WWOX: variants seen among roughly 807,000 people sequenced by gnomAD.
WWOX encodes the protein WW domain-containing oxidoreductase.
WWOX carries 69 observed loss-of-function variants against 46.2 expected under a neutral mutation model. The ratio of observed to expected loss-of-function variants is 1.49; its 90% confidence interval spans 1.23 to 1.82. WWOX has a LOEUF of 1.82. Ranked by LOEUF, WWOX falls within the 40% of genes most tolerant of loss-of-function variation. The pLI, the probability that WWOX is intolerant of heterozygous loss-of-function variation, is 0.00. For synonymous variants in WWOX, 359 were observed against 202.6 expected (o/e 1.77, Z -6.56); for missense variants, 919 against 542.6 (o/e 1.69, Z -6.89).
At chr16:78,169,779 C>G (rs2035093756) in intron 5 of WWOX, among the ~76,000 whole-genome samples, 1 of 152,020 alleles carries the variant, frequency 6.6e-6, no homozygotes, top group African/African-American at 2.4e-5. Context: ...AGGGATGAGG[C>G]TGAGGCTGGG....
At chr16:79,099,435 G>C (rs2049145029) in intron 8 of WWOX, among the ~76,000 whole-genome samples, 1 of 152,204 alleles carries the variant, frequency 6.6e-6, no homozygotes, top group African/African-American at 2.4e-5. Context: ...GTAAACTGCA[G>C]CGCGCACACT....
At chr16:78,183,014 A>G (rs1217832545) in intron 5 of WWOX, among the ~76,000 whole-genome samples, 1 of 151,922 alleles carries the variant, frequency 6.6e-6, no homozygotes, top group Non-Finnish European at 1.5e-5. Context: ...CTCATGGTCC[A>G]AGTTTTGGTT....
At chr16:78,456,319 G>C (rs965158091) in intron 8 of WWOX, among the ~76,000 whole-genome samples, 4 of 152,136 alleles carry the variant, frequency 2.6e-5, no homozygotes, top group Admixed American at 2.6e-4. Context: ...TAGTGTTGGG[G>C]GCTGAGAGGC....
intron 8 of WWOX, among the ~76,000 whole-genome samples, chr16:78,784,633 TAGAAGAG>T (rs2050410590): frequency 6.6e-6 from 1 of 152,156 alleles, no homozygotes. Flanking sequence ...ATAAAGCACT[TAGAAGAG>T]AGTTTGGCAT....
At chr16:79,084,056 A>G (rs951568973) in intron 8 of WWOX, among the ~76,000 whole-genome samples, 7 of 152,182 alleles carry the variant, frequency 4.6e-5, no homozygotes, top group Non-Finnish European at 7.3e-5. Context: ...GAACCAGACC[A>G]TCGTGAACTT....
chr16:79,159,662 C>T (rs2050447093), intron 8 of WWOX, among the ~76,000 whole-genome samples: 1 of 152,162 alleles, frequency 6.6e-6, no homozygotes, highest in Non-Finnish European at 1.5e-5. Context: ...CAAATCTTTT[C>T]ATATTTAACA....
intron 8 of WWOX, among the ~76,000 whole-genome samples, chr16:79,183,564 C>T (rs749885690): frequency 4.6e-5 from 7 of 152,170 alleles, no homozygotes; most frequent in Non-Finnish European, 8.8e-5. Flanking sequence ...TGTATTCTTA[C>T]TCTCCCTCTC....
At position 79,130,744 on chromosome 16, in the gene WWOX, C is replaced by A. The variant is rs11862878; in HGVS notation, c.1057-80864C>A. ...TCCTTCCAGATTTGACTTGTAATCG[C>A]CACAATGTATTACAGATGCAGAGTC... On this transcript the variant is annotated intron_variant, in intron 8 of 8. Coordinates refer to ENST00000566780, the MANE Select transcript of WWOX (RefSeq NM_016373.4). Among the ~76,000 whole-genome samples the A allele has an allele frequency of 5.3e-3, 802 of 152,294 alleles. 3 individuals are homozygous for A. The highest frequency in any genetic ancestry group is 0.018 in the African/African-American group (760 of 41,562).
intron 8 of WWOX, among the ~76,000 whole-genome samples, chr16:79,003,902 G>A (rs2047142387): frequency 6.6e-6 from 1 of 152,188 alleles, no homozygotes; most frequent in African/African-American, 2.4e-5. Context: ...GATGAGAGGA[G>A]AAGCGAATTG....
intron 8 of WWOX, among the ~76,000 whole-genome samples, chr16:79,049,895 C>T (rs995340502): frequency 3.3e-5 from 5 of 151,500 alleles, no homozygotes; most frequent in Admixed American, 1.3e-4. Context: ...CAGTACCCAG[C>T]CATGCAGAAG....
At chr16:78,567,130 A>G (rs547010226) in intron 8 of WWOX, among the ~76,000 whole-genome samples, 1 of 152,294 alleles carries the variant, frequency 6.6e-6, no homozygotes, top group East Asian at 1.9e-4. Flanking sequence ...CCCAGTAAAG[A>G]TCACAAGCCC....
intron 8 of WWOX, among the ~76,000 whole-genome samples, chr16:79,011,895 C>T (rs2047318172): frequency 6.6e-6 from 1 of 151,998 alleles, no homozygotes; most frequent in African/African-American, 2.4e-5. Flanking sequence ...CTCCAGTGAT[C>T]CTCCCGCCTC....
At chr16:79,042,519 C>T (rs9930250) in intron 8 of WWOX, among the ~76,000 whole-genome samples, 1 of 151,646 alleles carries the variant, frequency 6.6e-6, no homozygotes, top group Admixed American at 6.6e-5. Context: ...CATAATGTCT[C>T]AAATTACTTA....
intron 5 of WWOX, among the ~76,000 whole-genome samples, chr16:78,285,745 A>C (rs562968056): frequency 3.9e-5 from 6 of 152,308 alleles, no homozygotes; most frequent in African/African-American, 1.4e-4. Flanking sequence ...GCGCCTAAAT[A>C]GCTGAGGACA....
chr16:79,128,815 G>C (rs1210375305), intron 8 of WWOX, among the ~76,000 whole-genome samples: 1 of 152,112 alleles, frequency 6.6e-6, no homozygotes, highest in Non-Finnish European at 1.5e-5. Context: ...TACATATTTT[G>C]TTCACAATGG....
intron 8 of WWOX, among the ~76,000 whole-genome samples, chr16:78,810,034 G>T (rs2051145896): frequency 6.6e-6 from 1 of 152,188 alleles, no homozygotes; most frequent in Admixed American, 6.5e-5. Flanking sequence ...AAATGTTGAA[G>T]TTTCCATTTT....
chr16:79,143,233 C>T (rs750091380), intron 8 of WWOX, among the ~76,000 whole-genome samples: 6 of 152,190 alleles, frequency 3.9e-5, no homozygotes, highest in Non-Finnish European at 7.3e-5. Context: ...CTGCTTCCCC[C>T]TCCTGGATGA....
chr16:79,076,832 T>C (rs1227173332), intron 8 of WWOX, among the ~76,000 whole-genome samples: 2 of 152,262 alleles, frequency 1.3e-5, no homozygotes, highest in Non-Finnish European at 2.9e-5. Context: ...GCTTAACGCA[T>C]GTGAATAACA....
At position 78,438,499 on chromosome 16, in the gene WWOX, A is replaced by T. The variant is rs1445924061; in HGVS notation, c.1056+5747A>T. ...ATAAGCTTTCATTTCTGGTAAATAC[A>T]TCCTTGCCAGAGTTCCCAGGTCCAA... On this transcript the variant is annotated intron_variant, in intron 8 of 8. Transcript: ENST00000566780. Among the ~76,000 whole-genome samples the T allele has an allele frequency of 3.3e-5, 5 of 151,824 alleles. No homozygotes were observed. In the East Asian group the frequency reaches 7.7e-4, roughly 24 times the overall value.
Sources: gnomAD v4.1 joint callset for allele counts (sites outside exome capture counted in the v4.1 genomes callset) on GRCh38, gnomAD v4.1.1 for gene constraint, MANE v1.5 for transcripts, NCBI Gene and HGNC (gene_info 2026-07-23, HGNC 2026-07-21) for gene names.